Variants in TENM2 observed in about 807,000 individuals in gnomAD.
The protein encoded by TENM2 is teneurin transmembrane protein 2.
In TENM2, 52 loss-of-function variants were observed where a neutral mutation model predicts 245.2. The ratio of observed to expected loss-of-function variants is 0.21; its 90% CI spans 0.17 to 0.27. The LOEUF is 0.27. Ranked by LOEUF, TENM2 falls within the 10% of genes least tolerant of loss-of-function variation. The probability of loss-of-function intolerance (pLI) is 1.00; values close to 1 mark genes in which losing one functional copy is unlikely to be tolerated. For missense variants in TENM2, 3,046 were observed against 3,666.8 expected, an observed-to-expected ratio of 0.83 and a Z score of 4.37; for synonymous variants, 1,363 against 1,438.9, an observed-to-expected ratio of 0.95 and a Z score of 1.19.
chr5:167,509,805 G>A (rs1241394905), intron 2 of TENM2, among the ~76,000 whole-genome samples: 1 of 152,000 alleles, frequency 6.6e-6, no homozygotes. Context: ...TCCCTTTCTG[G>A]GCTTAGGGAT....
intron 27 of TENM2, among the ~76,000 whole-genome samples, chr5:168,253,428 T>C (rs1240268707): frequency 2.2e-5 from 3 of 136,732 alleles, no homozygotes; most frequent in Non-Finnish European, 3.3e-5. Flanking sequence ...TTCATTATTT[T>C]ATTTTTTTTT....
chr5:168,010,379 C>G (rs555036591), intron 5 of TENM2, among the ~76,000 whole-genome samples: 81 of 152,306 alleles, frequency 5.3e-4, no homozygotes, highest in African/African-American at 1.8e-3. Context: ...TGAACAGGCT[C>G]TTAACCATGG....
At chr5:168,245,490 A>C (rs1475417398) in intron 26 of TENM2, among the ~76,000 whole-genome samples, 1 of 151,500 alleles carries the variant, frequency 6.6e-6, no homozygotes, top group East Asian at 1.9e-4. Flanking sequence ...ACAGCCCATG[A>C]ATTCTCTCTA....
chr5:167,805,562 G>T (rs1347817742), intron 2 of TENM2, among the ~76,000 whole-genome samples: 1 of 152,158 alleles, frequency 6.6e-6, no homozygotes, highest in Non-Finnish European at 1.5e-5. Flanking sequence ...GGCTATTGTA[G>T]CTTCCCTGAG....
rs144323703 is a variant in TENM2, at chr5:167,769,264, G to A, written c.503-106722G>A. On this transcript the variant is annotated intron_variant, in intron 2 of 28. Coordinates refer to ENST00000518659, the Ensembl canonical transcript of TENM2. Reference sequence around the variant, plus strand: ...GGGAGCACTTAGAAATGTGGTTCATGCATGTGTGAACCTCGTCAGTGTAAG... The same window carrying A: ...GGGAGCACTTAGAAATGTGGTTCATACATGTGTGAACCTCGTCAGTGTAAG... Among the ~76,000 whole-genome samples, 644 of 152,292 alleles carry A rather than the reference G, an allele frequency of 4.2e-3. 9 individuals are homozygous for A. The highest frequency in any genetic ancestry group is 0.015 in the African/African-American group (603 of 41,554).
intron 2 of TENM2, among the ~76,000 whole-genome samples, chr5:167,799,522 A>G (rs1765554369): frequency 6.6e-6 from 1 of 152,242 alleles, no homozygotes; most frequent in African/African-American, 2.4e-5. Context: ...AAGAAAAACT[A>G]TTACATAAAT....
At chr5:167,836,190 C>G (rs1160282460) in intron 2 of TENM2, among the ~76,000 whole-genome samples, 1 of 152,178 alleles carries the variant, frequency 6.6e-6, no homozygotes, top group Non-Finnish European at 1.5e-5. Flanking sequence ...AAAATCCCCT[C>G]CAGCCTAACT....
intron 9 of TENM2, among the ~76,000 whole-genome samples, chr5:168,109,992 C>T (rs529072859): frequency 4.1e-4 from 63 of 151,942 alleles, no homozygotes; most frequent in Non-Finnish European, 7.6e-4. Context: ...GGCTTCAGTC[C>T]GTCAGCCCTC....
At chr5:167,200,729 A>C in the TENM2 span, among the ~76,000 whole-genome samples, 1 of 152,244 alleles carries the variant, frequency 6.6e-6, no homozygotes, top group African/African-American at 2.4e-5. Flanking sequence ...GGCAGCGGCT[A>C]CTTCAGTAGC....
At chr5:167,193,232 G>A in the TENM2 span, among the ~76,000 whole-genome samples, 6,546 of 152,036 alleles carry the variant, frequency 0.043, 381 homozygotes, top group East Asian at 0.14. Flanking sequence ...GTCAGGCAAG[G>A]CAGACATCAT....
chr5:167,526,250 T>A (rs866540336), intron 2 of TENM2, among the ~76,000 whole-genome samples: 5 of 151,952 alleles, frequency 3.3e-5, no homozygotes, highest in African/African-American at 1.2e-4. Context: ...AGCAAGGATA[T>A]TTAAAACTGG....
chr5:167,623,389 T>G (rs760575567), intron 2 of TENM2, among the ~76,000 whole-genome samples: 19 of 152,194 alleles, frequency 1.2e-4, no homozygotes, highest in Non-Finnish European at 2.1e-4. Context: ...ATAATAATTT[T>G]TTTTACCTTC....
chr5:167,336,561 G>A (rs1018159760), intron 1 of TENM2, among the ~76,000 whole-genome samples: 9 of 151,968 alleles, frequency 5.9e-5, no homozygotes, highest in Admixed American at 6.6e-5. Context: ...TGAGCAGAAC[G>A]GTAGAGAATT....
chr5:168,078,420 G>A lies in TENM2; in HGVS notation c.1516-12154G>A, dbSNP rs549178653. ...TGGTAGTTTCTTTTGCTGTGCAGAA[G>A]CTCTTTAATTTAATTAGATCCCATT... is the stretch of plus-strand genomic sequence containing the variant. On this transcript the variant is annotated intron_variant, in intron 7 of 28. Coordinates refer to ENST00000518659, the Ensembl canonical transcript of TENM2. Among the ~76,000 whole-genome samples the A allele has an allele frequency of 8.7e-4, 133 of 152,230 alleles. 1 individual carries two copies. Among genetic ancestry groups the A allele is most frequent in the Middle Eastern group, 3.4e-3 (1 of 294 alleles).
the TENM2 span, among the ~76,000 whole-genome samples, chr5:167,240,906 C>A: frequency 6.6e-6 from 1 of 152,156 alleles, no homozygotes; most frequent in Non-Finnish European, 1.5e-5. Context: ...AAATGGGAAA[C>A]AGGTAGGGTG....
chr5:167,348,306 G>A (rs988577135), intron 1 of TENM2, among the ~76,000 whole-genome samples: 1 of 152,082 alleles, frequency 6.6e-6, no homozygotes, highest in Non-Finnish European at 1.5e-5. Context: ...ATTTCTTCTG[G>A]GACAGTAGTA....
chr5:167,907,707 T>A (rs1361402833), intron 3 of TENM2, among the ~76,000 whole-genome samples: 1 of 150,424 alleles, frequency 6.6e-6, no homozygotes, highest in Non-Finnish European at 1.5e-5. Flanking sequence ...GTTCAAGAAC[T>A]GCCTGGGAAA....
rs536149338 is a variant in TENM2 at position 167,439,015 on chromosome 5, A to G, written c.502+63542A>G. 5.3e-5 allele frequency among the ~76,000 whole-genome samples: 8 copies of G among 150,518 alleles called. No individual in the cohort carries two copies. The East Asian group carries it at 1.4e-3, about 27-fold the overall frequency. Reference sequence around the variant, plus strand: ...CACTATGTTAGCCAGGCTAGTCTCAAACTCCTGACCTCAGGTGATCCACCC... The same window carrying G: ...CACTATGTTAGCCAGGCTAGTCTCAGACTCCTGACCTCAGGTGATCCACCC... On this transcript the variant is annotated intron_variant, in intron 2 of 28. Transcript: ENST00000518659.
chr5:168,147,626 A>G (rs1756217859), intron 12 of TENM2, among the ~76,000 whole-genome samples: 1 of 152,202 alleles, frequency 6.6e-6, no homozygotes, highest in African/African-American at 2.4e-5. Context: ...AGGCAATGCC[A>G]TTGCTTTTGT....
Sources: gnomAD v4.1 joint callset for allele counts (sites outside exome capture counted in the v4.1 genomes callset) on GRCh38, gnomAD v4.1.1 for gene constraint, MANE v1.5 for transcripts, NCBI Gene and HGNC (gene_info 2026-07-23, HGNC 2026-07-21) for gene names.